IPMK: variants seen among roughly 807,000 people sequenced by gnomAD.
IPMK encodes the protein inositol polyphosphate multikinase, also known as inositol 1,3,4,6-tetrakisphosphate 5-kinase.
A neutral mutation model predicts 45.8 loss-of-function variants in IPMK; 17 were observed. That is an observed-to-expected ratio of 0.37 (90% CI 0.25 to 0.56). IPMK has a LOEUF of 0.56. IPMK is among the 20% of genes least tolerant of loss of function. The probability of loss-of-function intolerance (pLI) is 0.79; values close to 1 mark genes in which losing one functional copy is unlikely to be tolerated. For synonymous variants in IPMK, 180 were observed against 184.3 expected (o/e 0.98, Z 0.19); for missense variants, 399 against 498.0 (o/e 0.80, Z 1.89).
rs79635673 is a variant in IPMK, at chr10:58,227,717, C to A, written c.277-578G>T. On this transcript the variant is annotated intron_variant, in intron 2 of 5. Transcript: ENST00000373935. ...TAACACAATGTAAGTCTAACTGCTG[C>A]TCATTTAATTCCTTGATTTGTAACC... is the stretch of plus-strand genomic sequence containing the variant. Among the ~76,000 whole-genome samples the A allele has an allele frequency of 7.5e-3, 1,144 of 152,156 alleles. 18 individuals carry two copies. Among genetic ancestry groups the A allele is most frequent in the African/African-American group, 0.024 (990 of 41,476 alleles).
chr10:58,247,655 T>C (rs1838822022), intron 1 of IPMK, among the ~76,000 whole-genome samples: 1 of 151,850 alleles, frequency 6.6e-6, no homozygotes, highest in South Asian at 2.1e-4. Flanking sequence ...GGGACTGTTG[T>C]GGGGTGGGAG....
chr10:58,237,109 T>C (rs185076489), intron 2 of IPMK, among the ~76,000 whole-genome samples: 30 of 152,222 alleles, frequency 2.0e-4, no homozygotes, highest in African/African-American at 7.2e-4. Flanking sequence ...AAAGATGCTA[T>C]GTATCGTCCC....
chr10:58,267,716 G>T lies in IPMK; in HGVS notation c.-105C>A. ...GTCGCTCAGGCTCGGGCGCGAGGAG[G>T]CCCGGGGGTTCCCGCGGCTGGTGCC... On this transcript the variant is annotated 5_prime_UTR_variant, in exon 1 of 6. Transcript: ENST00000373935. 1 of 698,250 alleles carries T rather than the reference G, an allele frequency of 1.4e-6. No homozygotes were observed. Among genetic ancestry groups the T allele is most frequent in the South Asian group, 1.8e-5 (1 of 56,620 alleles). The allele number at this position is 698,250 out of a possible 1,614,324, so 43.3% of individuals were successfully genotyped here. A position where few individuals can be genotyped will look rare whatever the true frequency, so the allele number is the denominator to read the frequency against.
At chr10:58,207,880 GA>G (rs2132147272) in intron 4 of IPMK, among the ~76,000 whole-genome samples, 2 of 152,120 alleles carry the variant, frequency 1.3e-5, no homozygotes, top group South Asian at 4.2e-4. Flanking sequence ...ATTTCTTTAG[GA>G]AGACCAATTA....
Position 58,194,127 on chromosome 10 carries a change from G to A in IPMK, c.*1949C>T, listed in dbSNP as rs181361639. The A allele has an allele frequency of 6.6e-6, 1 of 151,824 alleles. No individual in the cohort carries two copies. Among genetic ancestry groups the A allele is most frequent in the East Asian group, 1.9e-4 (1 of 5,174 alleles). 9.4% of individuals were successfully genotyped at this position (151,824 alleles called of 1,614,324 possible). A position where few individuals can be genotyped will look rare whatever the true frequency, so the allele number is the denominator to read the frequency against. ...TTAAGATTTTATTGAGCTAAAATGT[G>A]CAAAAAATCTGACAATACTTAAGTT... On this transcript the variant is annotated 3_prime_UTR_variant, in exon 6 of 6. Transcript: ENST00000373935.
chr10:58,198,196 TATTG>T (rs1316242672), intron 5 of IPMK, among the ~76,000 whole-genome samples: 4 of 152,238 alleles, frequency 2.6e-5, no homozygotes, highest in African/African-American at 4.8e-5. Flanking sequence ...CTCTCAATAA[TATTG>T]ATTAAGTCAA....
chr10:58,247,455 C>G (rs1237679295), intron 1 of IPMK, among the ~76,000 whole-genome samples: 8 of 151,376 alleles, frequency 5.3e-5, no homozygotes, highest in African/African-American at 2.0e-4. Flanking sequence ...CACATATACA[C>G]CATGGAATAC....
intron 5 of IPMK, among the ~76,000 whole-genome samples, chr10:58,197,907 T>C (rs1358086269): frequency 6.6e-6 from 1 of 151,554 alleles, no homozygotes; most frequent in African/African-American, 2.4e-5. Context: ...CGCATGCCTG[T>C]AGTCCCAGCT....
chr10:58,216,414 G>A (rs1000000602), intron 3 of IPMK, 97 bp from the exon 4 acceptor site: 8 of 506,658 alleles, frequency 1.6e-5, no homozygotes, highest in African/African-American at 1.0e-4. Flanking sequence ...CTAAAACAGA[G>A]AAAAAAGTTA....
intron 1 of IPMK, among the ~76,000 whole-genome samples, chr10:58,255,004 T>C (rs1001603206): frequency 4.6e-5 from 7 of 152,232 alleles, no homozygotes; most frequent in Admixed American, 6.5e-5. Flanking sequence ...AAAACTTTAG[T>C]GGGCACTGGA....
intron 3 of IPMK, among the ~76,000 whole-genome samples, chr10:58,219,925 A>G (rs555395085): frequency 3.6e-4 from 55 of 152,336 alleles, no homozygotes; most frequent in Non-Finnish European, 5.6e-4. Flanking sequence ...AGTTTTAAAA[A>G]CACTTGACTA....
chr10:58,228,957 G>A (rs1838464593), intron 2 of IPMK, among the ~76,000 whole-genome samples: 1 of 152,156 alleles, frequency 6.6e-6, no homozygotes, highest in Non-Finnish European at 1.5e-5. Flanking sequence ...GCTTCACAGA[G>A]GTTCACTCAA....
chr10:58,196,525 A>G lies in IPMK; in HGVS notation c.802T>C (p.Leu268=), dbSNP rs142776806. The part of the protein sequence containing the change: ...EGSSQPTTTK[L]NDRTLAEKFL... ...TTTTCTGCCAAAGTTCTGTCATTCAATTTTGTAGTGGTTGGCTGAGATGAA... is the reference window on the plus strand; with the variant it reads ...TTTTCTGCCAAAGTTCTGTCATTCAGTTTTGTAGTGGTTGGCTGAGATGAA... The change falls in exon 6 of 6, where the codon TTG becomes CTG. Residue 268 remains leucine, a synonymous_variant. Coordinates refer to ENST00000373935, the MANE Select transcript of IPMK (RefSeq NM_152230.5). The G allele has an allele frequency of 3.3e-5, 54 of 1,613,890 alleles. No individual in the cohort carries two copies. The African/African-American group carries it at 5.5e-4, about 16-fold the overall frequency.
intron 1 of IPMK, among the ~76,000 whole-genome samples, chr10:58,241,813 C>A (rs1433281370): frequency 1.3e-5 from 2 of 151,932 alleles, no homozygotes; most frequent in Admixed American, 1.3e-4. Flanking sequence ...CATAAAGGTG[C>A]AATCTCCAAA....
chr10:58,205,359 G>T (rs916674540), intron 4 of IPMK, among the ~76,000 whole-genome samples: 2 of 152,050 alleles, frequency 1.3e-5, no homozygotes, highest in Non-Finnish European at 2.9e-5. Context: ...TGTCTGAATA[G>T]ACATTTTTCC....
In IPMK at chr10:58,195,029, A is replaced by G. The variant is rs1484954942; in HGVS notation, c.*1047T>C. 1 of 152,004 alleles carries G rather than the reference A, an allele frequency of 6.6e-6. No individual in the cohort carries two copies. The highest frequency in any genetic ancestry group is 1.5e-5 in the Non-Finnish European group (1 of 67,874). 9.4% of individuals were successfully genotyped at this position (152,004 alleles called of 1,614,324 possible). On this transcript the variant is annotated 3_prime_UTR_variant, in exon 6 of 6. Coordinates refer to ENST00000373935, the MANE Select transcript of IPMK (RefSeq NM_152230.5). ...TGAATATAGATACGCACCAAACCCTATATTACGGACTAATTTACACACAGT... is the reference window on the plus strand; with the variant it reads ...TGAATATAGATACGCACCAAACCCTGTATTACGGACTAATTTACACACAGT...
chr10:58,199,198 T>C, intron 5 of IPMK, 42 bp downstream of exon 5: 1 of 1,242,366 alleles, frequency 8.0e-7, no homozygotes, highest in Non-Finnish European at 1.2e-6. Flanking sequence ...TAGAAGTCTT[T>C]TAACTGTTCA....
chr10:58,222,096 G>A (rs549250277), intron 3 of IPMK, among the ~76,000 whole-genome samples: 50 of 152,190 alleles, frequency 3.3e-4, no homozygotes, highest in African/African-American at 1.2e-3. Flanking sequence ...ATGTTGCCCA[G>A]GCTGGTCTTG....
At chr10:58,240,107 C>T (rs1431938748) in intron 1 of IPMK, among the ~76,000 whole-genome samples, 2 of 151,878 alleles carry the variant, frequency 1.3e-5, no homozygotes, top group East Asian at 3.9e-4. Context: ...TTGTAATTAG[C>T]AAGCAAGCAT....
Sources: gnomAD v4.1 joint callset for allele counts (sites outside exome capture counted in the v4.1 genomes callset) on GRCh38, gnomAD v4.1.1 for gene constraint, MANE v1.5 for transcripts, NCBI Gene and HGNC (gene_info 2026-07-23, HGNC 2026-07-21) for gene names.